MAP4: variants seen among roughly 807,000 people sequenced by gnomAD.
The protein encoded by MAP4 is microtubule-associated protein 4.
Under a neutral mutation model 170.2 loss-of-function variants are expected in MAP4, and 76 were observed. That is an observed-to-expected ratio of 0.45 (90% CI 0.37 to 0.54). The LOEUF (loss-of-function observed/expected upper bound fraction) is 0.54. Ranked by LOEUF, MAP4 falls within the 20% of genes least tolerant of loss-of-function variation. The probability of loss-of-function intolerance (pLI) is 0.00; values close to 1 mark genes in which losing one functional copy is unlikely to be tolerated. For missense variants in MAP4, 2,506 were observed against 2,748.0 expected, an observed-to-expected ratio of 0.91 and a Z score of 1.97; for synonymous variants, 909 against 994.5, an observed-to-expected ratio of 0.91 and a Z score of 1.62.
chr3:48,068,791 G>C (rs183024395), intron 1 of MAP4, among the ~76,000 whole-genome samples: 41 of 152,266 alleles, frequency 2.7e-4, no homozygotes, highest in Admixed American at 4.6e-4. Flanking sequence ...AAGAAGCTGG[G>C]ACTATGGGTA....
Position 47,979,345 on chromosome 3 carries a change from T to TA in MAP4, c.224-1413dup, listed in dbSNP as rs924487697. ...CTATTGAATTGCCTTTGCACCTTTG[T>TA]AAAAAAATCAACTGACCATATTACA... On this transcript the variant is annotated intron_variant, in intron 2 of 20. Coordinates refer to ENST00000683076, the MANE Select transcript of MAP4 (RefSeq NM_001385682.1). Among the ~76,000 whole-genome samples the TA allele has an allele frequency of 5.3e-5, 8 of 152,140 alleles. No homozygotes were observed. The South Asian group carries it at 8.3e-4, about 16-fold the overall frequency.
At chr3:48,012,344 CTGAGA>C (rs1361799397) in intron 1 of MAP4, among the ~76,000 whole-genome samples, 5 of 152,146 alleles carry the variant, frequency 3.3e-5, no homozygotes, top group African/African-American at 1.2e-4. Context: ...TCTTCCGCTC[CTGAGA>C]TAAGAACCTG....
chr3:47,926,086 C>G (rs2100045770), intron 4 of MAP4, among the ~76,000 whole-genome samples: 1 of 151,958 alleles, frequency 6.6e-6, no homozygotes, highest in Non-Finnish European at 1.5e-5. Flanking sequence ...GAACTCCTGA[C>G]CTCAGGTGAT....
intron 1 of MAP4, among the ~76,000 whole-genome samples, chr3:48,077,039 CAGAAGGCTGAGGTGGA>C (rs1480958682): frequency 6.6e-6 from 1 of 152,056 alleles, no homozygotes; most frequent in Non-Finnish European, 1.5e-5. Context: ...GCCAGCTATC[CAGAAGGCTGAGGTGGA>C]AGAATCACCT....
chr3:47,965,801 G>T (rs1449945663), intron 3 of MAP4, among the ~76,000 whole-genome samples: 1 of 152,054 alleles, frequency 6.6e-6, no homozygotes, highest in Non-Finnish European at 1.5e-5. Flanking sequence ...CTCCTGAGAA[G>T]ATATAAGATT....
chr3:47,880,348 T>C (rs1223850933), intron 10 of MAP4, among the ~76,000 whole-genome samples: 1 of 149,142 alleles, frequency 6.7e-6, no homozygotes, highest in Non-Finnish European at 1.5e-5. Context: ...GACCTCGTGA[T>C]CCACCTGCCT....
intron 1 of MAP4, among the ~76,000 whole-genome samples, chr3:48,012,940 C>T (rs1046162276): frequency 2.7e-5 from 4 of 147,150 alleles, no homozygotes; most frequent in Non-Finnish European, 6.0e-5. Flanking sequence ...AAAGGTAATG[C>T]TAGTGTCATC....
intron 1 of MAP4, among the ~76,000 whole-genome samples, chr3:48,060,222 A>T (rs2154557446): frequency 6.6e-6 from 1 of 152,284 alleles, no homozygotes; most frequent in South Asian, 2.1e-4. Context: ...CATTCTGTTG[A>T]TCTTTCTCAG....
intron 2 of MAP4, among the ~76,000 whole-genome samples, chr3:47,983,918 C>T (rs1244129629): frequency 1.3e-5 from 2 of 152,170 alleles, no homozygotes; most frequent in Admixed American, 1.3e-4. Context: ...CTCCTGTGTC[C>T]CTCTGACACA....
At chr3:48,002,263 A>G (rs976211409) in intron 1 of MAP4, among the ~76,000 whole-genome samples, 14 of 150,960 alleles carry the variant, frequency 9.3e-5, no homozygotes, top group African/African-American at 3.4e-4. Context: ...AAAAAGAAAA[A>G]AAAAATCACA....
In MAP4 at chr3:47,909,895, G is replaced by C; in HGVS notation, c.4526C>G (p.Ala1509Gly). 1 of 1,614,030 alleles carries C rather than the reference G, an allele frequency of 6.2e-7. No homozygotes were observed. The highest frequency in any genetic ancestry group is 8.5e-7 in the Non-Finnish European group (1 of 1,179,872). The stretch of plus-strand genomic sequence containing the variant: ...TTCTATGGCTGTTGTAATAGGTAGA[G>C]CAACTCCTCCTGTGCTTGTAGAGGG... ...VVPSTSTGGV[A>G]LPITTAIETV... is the part of the protein sequence containing the mutation. Residue 1509 changes from alanine (A) to glycine (G), a missense_variant, in exon 9 of 21, where the codon GCT (alanine) becomes GGT (glycine). Physicochemically the swap from Ala to Gly is moderately conservative, Grantham distance 60. This residue lies in a region of MAP4 where 2,008 missense variants were observed against 2,206.0 expected (regional missense o/e 0.91). Coordinates refer to ENST00000683076, the MANE Select transcript of MAP4 (RefSeq NM_001385682.1).
intron 10 of MAP4, among the ~76,000 whole-genome samples, chr3:47,884,837 C>T (rs2097304889): frequency 6.6e-6 from 1 of 152,156 alleles, no homozygotes; most frequent in Non-Finnish European, 1.5e-5. Flanking sequence ...ACGAAAGTCT[C>T]CTGCCCCTGG....
intron 1 of MAP4, among the ~76,000 whole-genome samples, chr3:48,067,897 C>T (rs1238130209): frequency 6.6e-6 from 1 of 152,150 alleles, no homozygotes; most frequent in African/African-American, 2.4e-5. Flanking sequence ...GCCTTGGCCT[C>T]CCAAAGTGCT....
chr3:47,946,508 G>T (rs994605838), intron 3 of MAP4, among the ~76,000 whole-genome samples: 1 of 149,380 alleles, frequency 6.7e-6, no homozygotes, highest in Non-Finnish European at 1.5e-5. Context: ...ACAAAAATTA[G>T]CCGGGTGTTG....
intron 3 of MAP4, among the ~76,000 whole-genome samples, chr3:47,952,269 GCC>G (rs1397163939): frequency 6.9e-6 from 1 of 145,552 alleles, no homozygotes; most frequent in Non-Finnish European, 1.5e-5. Context: ...GGGGGGGTCA[GCC>G]CCCCCGCCCG....
At chr3:47,923,047 C>CA (rs887071534) in intron 4 of MAP4, among the ~76,000 whole-genome samples, 208 of 138,338 alleles carry the variant, frequency 1.5e-3, no homozygotes, top group African/African-American at 3.9e-3. Flanking sequence ...GAGACTGTCT[C>CA]AAAAAAAAAA....
intron 9 of MAP4, among the ~76,000 whole-genome samples, chr3:47,908,632 T>C (rs969638069): frequency 2.0e-5 from 3 of 152,330 alleles, no homozygotes; most frequent in African/African-American, 7.2e-5. Flanking sequence ...TGCACATAGC[T>C]AGACATGAAA....
At chr3:48,029,656 G>A (rs1470765410) in intron 1 of MAP4, among the ~76,000 whole-genome samples, 1 of 152,110 alleles carries the variant, frequency 6.6e-6, no homozygotes, top group African/African-American at 2.4e-5. Flanking sequence ...TAATGGCAGA[G>A]ATCTTACATG....
chr3:47,924,850 G>A (rs187791081), intron 4 of MAP4, among the ~76,000 whole-genome samples: 42 of 151,116 alleles, frequency 2.8e-4, no homozygotes, highest in African/African-American at 7.8e-4. Context: ...TCGCTCTGTC[G>A]CCCAGGCTGG....
Sources: allele counts gnomAD v4.1 joint callset (sites outside exome capture counted in the v4.1 genomes callset), GRCh38; gene constraint gnomAD v4.1.1; regional missense constraint gnomAD v4.1.1; transcripts MANE v1.5; gene names NCBI Gene and HGNC (gene_info 2026-07-23, HGNC 2026-07-21).